The following ASCC1 variants were observed in gnomAD, a reference collection of about 807,000 sequenced individuals.
ASCC1 encodes the protein activating signal cointegrator 1 complex subunit 1, also known as ASC-1 complex subunit P50.
A neutral mutation model predicts 46.6 loss-of-function variants in ASCC1; 35 were observed. That is an observed-to-expected ratio of 0.75 (90% confidence interval 0.57 to 0.99). The LOEUF (loss-of-function observed/expected upper bound fraction) is 0.99, where lower values mean the gene tolerates loss of function less well. Among genes scored for constraint, ASCC1 ranks in the 50% least tolerant of loss-of-function variants. The pLI is 0.00. For missense variants in ASCC1, 376 were observed against 428.7 expected, an observed-to-expected ratio of 0.88 and a Z score of 1.09; for synonymous variants, 143 against 146.6, an observed-to-expected ratio of 0.98 and a Z score of 0.18.
rs747595523 is a variant in ASCC1, at chr10:72,161,537, C to T, written c.626+1G>A. On this transcript the variant is annotated splice_donor_variant, in intron 6 of 9. Coordinates refer to ENST00000672957, the MANE Select transcript of ASCC1 (RefSeq NM_001198800.3). LOFTEE classifies it high-confidence loss of function. ...AACCCCCATCCCTGAGAATTACTCA[C>T]TTAATGAATTCCTCTTTACACTGCT... is the stretch of plus-strand genomic sequence containing the variant. 45 of 1,614,062 alleles carry T rather than the reference C, an allele frequency of 2.8e-5. No individual in the cohort carries two copies. Among genetic ancestry groups the T allele is most frequent in the Non-Finnish European group, 3.4e-5 (40 of 1,180,032 alleles).
chr10:72,212,177 G>A, intron 2 of ASCC1: 1 of 170,346 alleles, frequency 5.9e-6, no homozygotes, highest in Non-Finnish European at 1.3e-5. Context: ...GCCAGGTGTG[G>A]TGGCAGGCAC....
intron 6 of ASCC1, among the ~76,000 whole-genome samples, chr10:72,153,330 C>T (rs944678843): frequency 6.6e-6 from 1 of 152,212 alleles, no homozygotes; most frequent in African/African-American, 2.4e-5. Flanking sequence ...CTCAGGCGCC[C>T]ATCTCTACTA....
chr10:72,183,608 C>A (rs949513279), intron 5 of ASCC1, among the ~76,000 whole-genome samples: 2 of 151,852 alleles, frequency 1.3e-5, no homozygotes, highest in Non-Finnish European at 2.9e-5. Flanking sequence ...GAGATTGCAC[C>A]ACTGCACTTC....
intron 9 of ASCC1, among the ~76,000 whole-genome samples, chr10:72,111,065 T>C (rs1004713689): frequency 7.9e-5 from 12 of 152,222 alleles, no homozygotes; most frequent in African/African-American, 2.9e-4. Context: ...TTCTATAATC[T>C]AATTCAGATG....
chr10:72,130,653 T>C (rs534730824), intron 8 of ASCC1, among the ~76,000 whole-genome samples: 19 of 152,296 alleles, frequency 1.2e-4, no homozygotes, highest in African/African-American at 3.6e-4. Flanking sequence ...TGATAGCTAA[T>C]AAATGTCTAA....
Position 72,148,855 on chromosome 10 carries a change from T to G in ASCC1, c.746+4014A>C, listed in dbSNP as rs572052447. 6.6e-5 allele frequency among the ~76,000 whole-genome samples: 10 copies of G among 152,064 alleles called. No individual in the cohort carries two copies. The South Asian group carries it at 1.9e-3, about 28-fold the overall frequency. On this transcript the variant is annotated intron_variant, in intron 7 of 9. Coordinates refer to ENST00000672957, the MANE Select transcript of ASCC1 (RefSeq NM_001198800.3). The stretch of plus-strand genomic sequence containing the variant: ...TCAGATTCCACATTGCAACTAATCT[T>G]TAAAAAAAAAACTATGACTTGTCAA...
intron 9 of ASCC1, among the ~76,000 whole-genome samples, chr10:72,121,239 G>A (rs761610383): frequency 6.6e-5 from 10 of 152,104 alleles, no homozygotes; most frequent in Non-Finnish European, 1.0e-4. Flanking sequence ...AACCTCCCAG[G>A]CACAAGCGAT....
In ASCC1 at chr10:72,105,473, C is replaced by T. The variant is rs149722100; in HGVS notation, c.958-8023G>A. Among the ~76,000 whole-genome samples the T allele has an allele frequency of 3.1e-3, 479 of 152,282 alleles. 3 individuals are homozygous for T. Among genetic ancestry groups the T allele is most frequent in the African/African-American group, 0.011 (459 of 41,532 alleles). ...TGGGGCACCCCCGTCACAAGTCTGACGAAGAGGTCAAGAAAAATCCTGCAT... is the reference window on the plus strand; with the variant it reads ...TGGGGCACCCCCGTCACAAGTCTGATGAAGAGGTCAAGAAAAATCCTGCAT... On this transcript the variant is annotated intron_variant, in intron 9 of 9. Coordinates refer to ENST00000672957, the MANE Select transcript of ASCC1 (RefSeq NM_001198800.3).
chr10:72,132,920 A>C, intron 8 of ASCC1, 137 bp downstream of exon 8: 1 of 1,047,948 alleles, frequency 9.5e-7, no homozygotes, highest in Non-Finnish European at 1.5e-6. Context: ...CACCTCTACT[A>C]TGCTCATCAG....
chr10:72,142,365 C>CTTTTT (rs71018255), intron 7 of ASCC1, among the ~76,000 whole-genome samples: 17 of 137,130 alleles, frequency 1.2e-4, no homozygotes, highest in African/African-American at 4.6e-4. Flanking sequence ...GCAGATTTCA[C>CTTTTT]TTTTTTTTTT....
At chr10:72,120,134 G>A (rs7916512) in intron 9 of ASCC1, among the ~76,000 whole-genome samples, 6,672 of 152,114 alleles carry the variant, frequency 0.044, 427 homozygotes, top group African/African-American at 0.13. Flanking sequence ...AGGCTGAGGC[G>A]AGAGAATTGA....
chr10:72,139,622 C>T (rs78756870), intron 7 of ASCC1, among the ~76,000 whole-genome samples: 2,225 of 152,284 alleles, frequency 0.015, 58 homozygotes, highest in African/African-American at 0.051. Context: ...TATTAATGCA[C>T]TAAATCTAAG....
chr10:72,148,603 C>G (rs147736612), intron 7 of ASCC1, among the ~76,000 whole-genome samples: 12 of 152,308 alleles, frequency 7.9e-5, no homozygotes, highest in African/African-American at 2.6e-4. Context: ...AGTTTGACAG[C>G]TTCCCAATGC....
intron 5 of ASCC1, among the ~76,000 whole-genome samples, chr10:72,191,277 G>T (rs1229209633): frequency 1.3e-5 from 2 of 150,006 alleles, no homozygotes; most frequent in African/African-American, 4.9e-5. Context: ...ATGTTGGTCA[G>T]GCTGGTCTCA....
rs936428237 is a variant in ASCC1, at chr10:72,105,967, G to A, written c.958-8517C>T. ...GGCCTTTTCTTATATCTGTGACCTC[G>A]GGCTATAGAACCGAATAAATGGCCA... On this transcript the variant is annotated intron_variant, in intron 9 of 9. Coordinates refer to ENST00000672957, the MANE Select transcript of ASCC1 (RefSeq NM_001198800.3). 1.1e-4 allele frequency among the ~76,000 whole-genome samples: 16 copies of A among 152,022 alleles called. 1 individual carries two copies. The highest frequency in any genetic ancestry group is 4.1e-4 in the South Asian group (2 of 4,832).
At chr10:72,145,813 C>T (rs1847557392) in intron 7 of ASCC1, among the ~76,000 whole-genome samples, 1 of 152,188 alleles carries the variant, frequency 6.6e-6, no homozygotes, top group Non-Finnish European at 1.5e-5. Flanking sequence ...CTACTCTATA[C>T]TCAGACTATA....
At chr10:72,106,769 G>A (rs1842388502) in intron 9 of ASCC1, among the ~76,000 whole-genome samples, 1 of 152,154 alleles carries the variant, frequency 6.6e-6, no homozygotes, top group African/African-American at 2.4e-5. Context: ...CCAGAGCTGA[G>A]CATTATTATC....
intron 8 of ASCC1, 27 bp from the exon 9 acceptor site, chr10:72,128,194 G>A (rs1845116404): frequency 1.3e-6 from 2 of 1,588,778 alleles, no homozygotes; most frequent in Non-Finnish European, 1.7e-6. Context: ...GATAATGTTA[G>A]AAGCTTAGAT....
At chr10:72,205,354 G>C (rs747070947) in intron 3 of ASCC1, among the ~76,000 whole-genome samples, 4 of 152,112 alleles carry the variant, frequency 2.6e-5, no homozygotes, top group African/African-American at 7.2e-5. Flanking sequence ...TCAATGCCGG[G>C]TGCGGTGGCT....
Sources: allele counts gnomAD v4.1 joint callset (sites outside exome capture counted in the v4.1 genomes callset), GRCh38; gene constraint gnomAD v4.1.1; transcripts MANE v1.5; gene names NCBI Gene and HGNC (gene_info 2026-07-23, HGNC 2026-07-21).